Variants in TRPM3 observed in about 807,000 individuals in gnomAD.
The protein encoded by TRPM3 is transient receptor potential cation channel subfamily M member 3, also known as long transient receptor potential channel 3.
TRPM3 carries 77 observed loss-of-function variants against 181.2 expected under a neutral mutation model. The ratio of observed to expected loss-of-function variants is 0.42; its 90% CI spans 0.35 to 0.51. TRPM3 has a LOEUF of 0.51. Ranked by LOEUF, TRPM3 falls within the 20% of genes least tolerant of loss-of-function variation. TRPM3 has a pLI of 0.01. For synonymous variants in TRPM3, 745 were observed against 796.4 expected (o/e 0.94, Z 1.09); for missense variants, 1,759 against 2,196.7 (o/e 0.80, Z 3.98).
At chr9:70,547,430 T>C (rs761230568) in intron 25 of TRPM3, among the ~76,000 whole-genome samples, 3 of 151,940 alleles carry the variant, frequency 2.0e-5, no homozygotes, top group Non-Finnish European at 2.9e-5. Context: ...ATGGATCTAC[T>C]CTTCCCTTGG....
chr9:71,130,690 C>A lies in TRPM3; in HGVS notation c.184-266179G>T, dbSNP rs115054524. On this transcript the variant is annotated intron_variant, in intron 1 of 24. Transcript: ENST00000357533. The stretch of plus-strand genomic sequence containing the variant: ...TTATTCAGCATCCAGCCAAAGCCAT[C>A]CGCAGGCGCCTAAATGGTACATGCG... 7.3e-3 allele frequency among the ~76,000 whole-genome samples: 1,114 copies of A among 152,236 alleles called. 16 individuals are homozygous for A. The highest frequency in any genetic ancestry group is 0.025 in the African/African-American group (1,031 of 41,540).
intron 3 of TRPM3, among the ~76,000 whole-genome samples, chr9:70,862,109 A>T (rs530689737): frequency 5.3e-5 from 8 of 151,606 alleles, no homozygotes; most frequent in Non-Finnish European, 8.8e-5. Flanking sequence ...GACTCAAAAA[A>T]CTCCATGACA....
At chr9:70,970,997 T>C (rs1481005397) in intron 1 of TRPM3, among the ~76,000 whole-genome samples, 1 of 152,176 alleles carries the variant, frequency 6.6e-6, no homozygotes, top group Non-Finnish European at 1.5e-5. Context: ...AAGCCTAAAC[T>C]GGTGTAAAGC....
At chr9:71,109,994 T>C (rs572407065) in intron 1 of TRPM3, among the ~76,000 whole-genome samples, 10 of 152,290 alleles carry the variant, frequency 6.6e-5, no homozygotes, top group African/African-American at 2.4e-4. Flanking sequence ...TCAATATATA[T>C]ATTTTTGTGA....
intron 1 of TRPM3, among the ~76,000 whole-genome samples, chr9:71,146,904 T>C (rs1441175030): frequency 6.6e-6 from 1 of 152,184 alleles, no homozygotes; most frequent in Non-Finnish European, 1.5e-5. Flanking sequence ...ATTTCCTTTC[T>C]AAATCTATAG....
Position 71,041,566 on chromosome 9 carries a change from G to A in TRPM3, c.177+79612C>T, listed in dbSNP as rs79083157. On this transcript the variant is annotated intron_variant, in intron 1 of 25. Transcript: ENST00000677713. ...ATGGTTTCTTGGCAATGTCCAAATC[G>A]ATGCATAGAAAAAGGCTGTTATTTC... 5.2e-3 allele frequency among the ~76,000 whole-genome samples: 785 copies of A among 152,122 alleles called. 19 individuals are homozygous for A. The East Asian group carries it at 0.078, about 15-fold the overall frequency.
At chr9:70,582,178 G>C (rs963498951) in intron 22 of TRPM3, among the ~76,000 whole-genome samples, 2 of 59,070 alleles carry the variant, frequency 3.4e-5, no homozygotes, top group Non-Finnish European at 7.2e-5. Flanking sequence ...CCTCCACCCT[G>C]TGCGTGTGTG....
intron 1 of TRPM3, among the ~76,000 whole-genome samples, chr9:71,298,410 G>A (rs538571096): frequency 6.6e-6 from 1 of 151,414 alleles, no homozygotes; most frequent in East Asian, 1.9e-4. Flanking sequence ...AGTAAAAGCT[G>A]ATTAAAATCT....
At chr9:71,164,413 C>T (rs1323272599) in intron 1 of TRPM3, among the ~76,000 whole-genome samples, 2 of 152,066 alleles carry the variant, frequency 1.3e-5, no homozygotes, top group East Asian at 1.9e-4. Context: ...CTGTTAGAGC[C>T]GACGGGAACT....
At chr9:71,401,661 T>C (rs971214854) in intron 1 of TRPM3, among the ~76,000 whole-genome samples, 1 of 152,186 alleles carries the variant, frequency 6.6e-6, no homozygotes, top group African/African-American at 2.4e-5. Flanking sequence ...ATACATACGG[T>C]GGTTAGAGAA....
chr9:70,635,282 TCAAA>T (rs1176224934), intron 11 of TRPM3, 21 bp from the exon 12 acceptor site: 2 of 1,612,712 alleles, frequency 1.2e-6, no homozygotes, highest in East Asian at 2.2e-5. Flanking sequence ...TAAAGAAGAA[TCAAA>T]CAGTTTTGCT....
At chr9:70,850,338 G>A (rs1258925842) in intron 3 of TRPM3, among the ~76,000 whole-genome samples, 3 of 151,956 alleles carry the variant, frequency 2.0e-5, no homozygotes, top group African/African-American at 7.3e-5. Flanking sequence ...GCAAACAGAG[G>A]AATTTCTTAA....
At chr9:71,123,305 T>A (rs554734334), upstream of TRPM3, among the ~76,000 whole-genome samples, 3 of 152,348 alleles carry the variant, frequency 2.0e-5, no homozygotes, top group African/African-American at 7.2e-5. Context: ...ATGTATTAGT[T>A]AACAGCATGA....
chr9:70,673,123 C>T (rs1454546766), intron 9 of TRPM3, among the ~76,000 whole-genome samples: 1 of 152,078 alleles, frequency 6.6e-6, no homozygotes, highest in Admixed American at 6.6e-5. Flanking sequence ...ATCTTTCACA[C>T]TCTTTGGTTT....
intron 1 of TRPM3, among the ~76,000 whole-genome samples, chr9:70,939,330 G>A (rs921897322): frequency 1.3e-5 from 2 of 152,198 alleles, no homozygotes; most frequent in African/African-American, 2.4e-5. Flanking sequence ...CTAATTACCC[G>A]ACAGTCCCTG....
intron 1 of TRPM3, among the ~76,000 whole-genome samples, chr9:71,079,841 T>A (rs1214971461): frequency 6.6e-6 from 1 of 152,146 alleles, no homozygotes; most frequent in Non-Finnish European, 1.5e-5. Context: ...CCCAGTGGTC[T>A]TCTGGTCACC....
At chr9:71,293,351 C>T (rs2085982858) in intron 1 of TRPM3, among the ~76,000 whole-genome samples, 1 of 151,736 alleles carries the variant, frequency 6.6e-6, no homozygotes, top group African/African-American at 2.4e-5. Flanking sequence ...AATAAAACAT[C>T]CATTATTCAC....
At chr9:71,245,324 A>T (rs1381605106) in intron 1 of TRPM3, among the ~76,000 whole-genome samples, 1 of 151,834 alleles carries the variant, frequency 6.6e-6, no homozygotes, top group Admixed American at 6.6e-5. Flanking sequence ...TGCACCTGTT[A>T]TCCCAGCTAC....
intron 1 of TRPM3, among the ~76,000 whole-genome samples, chr9:71,252,231 A>G (rs555475842): frequency 6.6e-6 from 1 of 152,088 alleles, no homozygotes; most frequent in South Asian, 2.1e-4. Flanking sequence ...TAGGTTCTCT[A>G]ATTATGGCCA....
Sources: allele counts gnomAD v4.1 joint callset (sites outside exome capture counted in the v4.1 genomes callset), GRCh38; gene constraint gnomAD v4.1.1; transcripts MANE v1.5; gene names NCBI Gene and HGNC (gene_info 2026-07-23, HGNC 2026-07-21).